Variants in PIK3R4 observed in about 807,000 individuals in gnomAD.
PIK3R4 encodes the protein phosphoinositide-3-kinase regulatory subunit 4, also known as phosphoinositide 3-kinase regulatory subunit 4.
PIK3R4 carries 46 observed loss-of-function variants against 136.5 expected under a neutral mutation model. The observed-to-expected ratio is 0.34, with a 90% CI of 0.27 to 0.43. The LOEUF (loss-of-function observed/expected upper bound fraction) is 0.43, where lower values mean the gene tolerates loss of function less well. PIK3R4 is among the 20% of genes least tolerant of loss of function. The probability of loss-of-function intolerance (pLI) is 1.00; values close to 1 mark genes in which losing one functional copy is unlikely to be tolerated. For missense variants in PIK3R4, 1,331 were observed against 1,649.5 expected, an observed-to-expected ratio of 0.81 and a Z score of 3.35; for synonymous variants, 557 against 566.7, an observed-to-expected ratio of 0.98 and a Z score of 0.24.
chr3:130,719,423 G>A (rs905788841), intron 7 of PIK3R4, among the ~76,000 whole-genome samples: 1 of 152,058 alleles, frequency 6.6e-6, no homozygotes, highest in Non-Finnish European at 1.5e-5. Context: ...TACAATCATA[G>A]GCTAATAATA....
chr3:130,736,452 C>G (rs1559831026), intron 2 of PIK3R4, among the ~76,000 whole-genome samples: 1 of 152,030 alleles, frequency 6.6e-6, no homozygotes, highest in Admixed American at 6.6e-5. Context: ...ACCTGTGGTC[C>G]CAGCTACTTG....
At chr3:130,694,108 CAGACAT>C (rs958560506) in intron 13 of PIK3R4, among the ~76,000 whole-genome samples, 4 of 152,038 alleles carry the variant, frequency 2.6e-5, no homozygotes, top group African/African-American at 7.2e-5. Flanking sequence ...ATATATGACA[CAGACAT>C]AGACATAGAC....
chr3:130,724,224 C>G (rs1472745584), intron 6 of PIK3R4, among the ~76,000 whole-genome samples: 1 of 152,134 alleles, frequency 6.6e-6, no homozygotes, highest in African/African-American at 2.4e-5. Context: ...CAATTTATTA[C>G]TTTTCTTTCT....
At chr3:130,719,044 A>G (rs1278156604) in intron 7 of PIK3R4, among the ~76,000 whole-genome samples, 4 of 152,338 alleles carry the variant, frequency 2.6e-5, no homozygotes, top group African/African-American at 7.2e-5. Flanking sequence ...TATTCTTTTT[A>G]ATGCAGGAGT....
intron 6 of PIK3R4, among the ~76,000 whole-genome samples, chr3:130,725,719 A>AATATGTAT (rs1213680251): frequency 6.6e-6 from 1 of 152,074 alleles, no homozygotes; most frequent in Non-Finnish European, 1.5e-5. Context: ...TAATGTTCTT[A>AATATGTAT]ATATGTATAT....
At chr3:130,731,836 A>G (rs2066761513) in intron 4 of PIK3R4, among the ~76,000 whole-genome samples, 1 of 152,222 alleles carries the variant, frequency 6.6e-6, no homozygotes, top group Non-Finnish European at 1.5e-5. Context: ...CTCTATTTTA[A>G]AAGACCGCAA....
At chr3:130,743,606 G>A (rs2066836511) in intron 2 of PIK3R4, among the ~76,000 whole-genome samples, 1 of 152,050 alleles carries the variant, frequency 6.6e-6, no homozygotes. Flanking sequence ...TCAGTTTGGT[G>A]GGCGAGAGAA....
At chr3:130,745,558 G>A (rs971621166) in intron 1 of PIK3R4, among the ~76,000 whole-genome samples, 1 of 152,160 alleles carries the variant, frequency 6.6e-6, no homozygotes, top group African/African-American at 2.4e-5. Flanking sequence ...TCAACTTTAA[G>A]CCAAAAATGT....
At chr3:130,701,188 T>G (rs1018778157) in intron 13 of PIK3R4, among the ~76,000 whole-genome samples, 1 of 152,080 alleles carries the variant, frequency 6.6e-6, no homozygotes, top group African/African-American at 2.4e-5. Context: ...AAAACAATTA[T>G]CTGAAGAGGT....
chr3:130,745,789 C>G (rs951722547), intron 1 of PIK3R4, among the ~76,000 whole-genome samples: 1 of 152,034 alleles, frequency 6.6e-6, no homozygotes, highest in Non-Finnish European at 1.5e-5. Context: ...TTCGGGAGGC[C>G]GAGGCGGGAG....
intron 14 of PIK3R4, among the ~76,000 whole-genome samples, chr3:130,687,256 G>C (rs1485674387): frequency 6.6e-6 from 1 of 152,084 alleles, no homozygotes; most frequent in African/African-American, 2.4e-5. Context: ...GTCCCATAAA[G>C]TCAGGTGTGG....
intron 2 of PIK3R4, among the ~76,000 whole-genome samples, chr3:130,739,217 C>G (rs891875584): frequency 6.6e-6 from 1 of 152,214 alleles, no homozygotes; most frequent in African/African-American, 2.4e-5. Flanking sequence ...GCTGGGACTA[C>G]AGGCGCCTGC....
At chr3:130,679,541 T>C (rs1007833467) in intron 19 of PIK3R4, 56 bp from the exon 20 acceptor site, 23 of 1,298,436 alleles carry the variant, frequency 1.8e-5, no homozygotes, top group Admixed American at 1.7e-4. Flanking sequence ...ACCACATTTT[T>C]CCTCTCGTCA....
chr3:130,724,469 C>A (rs1318264082), intron 6 of PIK3R4, among the ~76,000 whole-genome samples: 5 of 152,014 alleles, frequency 3.3e-5, no homozygotes, highest in Non-Finnish European at 5.9e-5. Context: ...AAAATTTACA[C>A]ATTCATAATC....
intron 14 of PIK3R4, among the ~76,000 whole-genome samples, chr3:130,687,529 G>C (rs1442127813): frequency 1.3e-5 from 2 of 152,092 alleles, no homozygotes; most frequent in Non-Finnish European, 1.5e-5. Context: ...ACATCCATTT[G>C]AGGGAGCATG....
intron 2 of PIK3R4, among the ~76,000 whole-genome samples, chr3:130,743,446 A>C (rs2066835561): frequency 6.6e-6 from 1 of 152,126 alleles, no homozygotes; most frequent in Non-Finnish European, 1.5e-5. Context: ...ATAAATAAAA[A>C]TATAACCAAA....
intron 2 of PIK3R4, among the ~76,000 whole-genome samples, 188 bp downstream of exon 2, chr3:130,744,298 T>A (rs2066841008): frequency 6.6e-6 from 1 of 152,234 alleles, no homozygotes; most frequent in African/African-American, 2.4e-5. Flanking sequence ...GTAAATAAAC[T>A]GCTGTTTGCA....
At position 130,681,528 on chromosome 3, in the gene PIK3R4, A is replaced by C. The variant is rs2108513759; in HGVS notation, c.3671T>G (p.Leu1224Arg). The C allele has an allele frequency of 6.2e-7, 1 of 1,612,632 alleles. No individual in the cohort carries two copies. The highest frequency in any genetic ancestry group is 8.5e-7 in the Non-Finnish European group (1 of 1,178,664). ...AAGTGGTGGTGCACTGCTGGCCCAG[A>C]GAGTAAATCTTCTGTCACCAGTCTC... The part of the protein sequence containing the change: ...DMETGDRRFT[L>R]WASSAPPLSE... Residue 1224 changes from leucine to arginine, a missense_variant, in exon 17 of 20, where the codon CTC becomes CGC. This residue lies in a region of PIK3R4 where 1,180 missense variants were observed against 1,407.0 expected (regional missense o/e 0.84). Transcript: ENST00000356763.
rs1264427800 is a variant in PIK3R4 at position 130,682,714 on chromosome 3, G to GCTAT, written c.3608-1127_3608-1124dup. On this transcript the variant is annotated intron_variant, in intron 16 of 19. Coordinates refer to ENST00000356763, the MANE Select transcript of PIK3R4 (RefSeq NM_014602.3). ...TGCTGTTACCAGCCCATATTACTGT[G>GCTAT]CTATCTTTTTTAATACCCCCTACAC... Among the ~76,000 whole-genome samples the GCTAT allele has an allele frequency of 2.6e-5, 4 of 152,192 alleles. 1 individual carries two copies. The East Asian group carries it at 7.7e-4, about 29-fold the overall frequency.
Sources: allele counts gnomAD v4.1 joint callset (sites outside exome capture counted in the v4.1 genomes callset), GRCh38; gene constraint gnomAD v4.1.1; regional missense constraint gnomAD v4.1.1; transcripts MANE v1.5; gene names NCBI Gene and HGNC (gene_info 2026-07-23, HGNC 2026-07-21).